TIAM2: variants seen among roughly 807,000 people sequenced by gnomAD.
TIAM2 encodes TIAM Rac1 associated GEF 2, also known as rho guanine nucleotide exchange factor TIAM2.
A neutral mutation model predicts 152.9 loss-of-function variants in TIAM2; 80 were observed. That is an observed-to-expected ratio of 0.52 (90% CI 0.44 to 0.63). TIAM2 has a LOEUF of 0.63. Ranked by LOEUF, TIAM2 falls within the 30% of genes least tolerant of loss-of-function variation. The pLI is 0.00. For missense variants in TIAM2, 1,965 were observed against 2,120.1 expected (o/e 0.93, Z 1.44); for synonymous variants, 804 against 838.0 (o/e 0.96, Z 0.70).
chr6:155,206,643 T>C (rs772800289), intron 14 of TIAM2, among the ~76,000 whole-genome samples: 10 of 152,060 alleles, frequency 6.6e-5, no homozygotes, highest in Non-Finnish European at 1.3e-4. Context: ...CCATGGGAAT[T>C]AAGGGTAAAT....
At chr6:155,142,004 G>A (rs1389728852) in intron 5 of TIAM2, among the ~76,000 whole-genome samples, 77 of 152,240 alleles carry the variant, frequency 5.1e-4, no homozygotes, top group Admixed American at 4.8e-3. Flanking sequence ...CAAGACCAGC[G>A]CTTGGTAGGG....
chr6:155,046,840 C>A lies in TIAM2; in HGVS notation c.-208-43449C>A, dbSNP rs1381156467. ...TGGCAGCTGCCCCTCCCAGACTTGC[C>A]ACTGCCTCTTGGGTTTTGATTTGCT... is the stretch of plus-strand genomic sequence containing the variant. On this transcript the variant is annotated intron_variant, in intron 1 of 26. Transcript: ENST00000682666. Among the ~76,000 whole-genome samples the A allele has an allele frequency of 3.9e-5, 6 of 152,318 alleles. No individual in the cohort carries two copies. In the East Asian group the frequency reaches 5.8e-4, roughly 15 times the overall value.
In TIAM2 at chr6:155,182,253, A is replaced by G. The variant is rs1780919120; in HGVS notation, c.2735A>G (p.Glu912Gly). ...FGFAVTAQVD[E>G]RQHLSRIFIS... ...TTTGCAGTTACAGCGCAGGTGGATG[A>G]GCGTCAGCATCTCAGCCGGATATTT... The change falls in exon 13 of 27, where the codon GAG becomes GGG. Residue 912 changes from glutamate (E) to glycine (G), a missense_variant. Transcript: ENST00000682666. 1.2e-6 allele frequency: 2 copies of G among 1,614,044 alleles called. No individual in the cohort carries two copies. Among genetic ancestry groups the G allele is most frequent in the African/African-American group, 1.3e-5 (1 of 74,904 alleles).
At chr6:155,252,889 A>G in intron 23 of TIAM2, 59 bp from the exon 24 acceptor site, 2 of 1,465,558 alleles carry the variant, frequency 1.4e-6, no homozygotes, top group African/African-American at 1.4e-5. Context: ...CACTGTGCAC[A>G]CATCCTCCCT....
rs757317183 is a variant in TIAM2 at position 155,251,928 on chromosome 6, T to C, written c.4061-17T>C. On this transcript the variant is annotated splice_polypyrimidine_tract_variant and intron_variant, in intron 22 of 26. Transcript: ENST00000682666. ...TTGCATAAAATAAAGACTTTCTTTC[T>C]CTTTTCCTTTCTTTAGTTTTTAAGA... is the stretch of plus-strand genomic sequence containing the variant. 7 of 1,587,238 alleles carry C rather than the reference T, an allele frequency of 4.4e-6. No individual in the cohort carries two copies. Among genetic ancestry groups the C allele is most frequent in the Non-Finnish European group, 6.0e-6 (7 of 1,162,114 alleles).
intron 15 of TIAM2, among the ~76,000 whole-genome samples, chr6:155,216,294 C>T (rs185001658): frequency 3.0e-4 from 46 of 152,304 alleles, no homozygotes; most frequent in African/African-American, 1.1e-3. Context: ...CTGGTCTTCT[C>T]AGGGGTCATT....
rs147637120 is a variant in TIAM2 at position 155,184,371 on chromosome 6, G to T, written c.3064+871G>T. 3.4e-3 allele frequency among the ~76,000 whole-genome samples: 523 copies of T among 152,330 alleles called. 6 individuals carry two copies. The highest frequency in any genetic ancestry group is 0.011 in the African/African-American group (474 of 41,580). On this transcript the variant is annotated intron_variant, in intron 14 of 26. Coordinates refer to ENST00000682666, the MANE Select transcript of TIAM2 (RefSeq NM_012454.4). ...AAATGAAAAACTGTGTGCCAGTTTAGTTTTCTCACGGTAAGACTTCCATAT... is the reference window on the plus strand; with the variant it reads ...AAATGAAAAACTGTGTGCCAGTTTATTTTTCTCACGGTAAGACTTCCATAT...
intron 15 of TIAM2, among the ~76,000 whole-genome samples, chr6:155,222,016 C>T (rs1238162460): frequency 6.6e-5 from 10 of 151,784 alleles, no homozygotes; most frequent in South Asian, 2.1e-4. Context: ...TGCAGTGGCG[C>T]GATCTTGGTT....
At position 155,165,371 on chromosome 6, in the gene TIAM2, G is replaced by T. The variant is rs755941006; in HGVS notation, c.2323G>T (p.Ala775Ser). 1.2e-6 allele frequency: 2 copies of T among 1,613,976 alleles called. No homozygotes were observed. The highest frequency in any genetic ancestry group is 1.7e-6 in the Non-Finnish European group (2 of 1,179,978). ...TTCGTTAAAAGGGCTGGACACACTGGCCAGAAAAGGCAAGGAGAAGAGACC... is the reference window on the plus strand; with the variant it reads ...TTCGTTAAAAGGGCTGGACACACTGTCCAGAAAAGGCAAGGAGAAGAGACC... Reference protein sequence around the residue: ...FSSLKGLDTLARKGKEKRPSI... With the variant: ...FSSLKGLDTLSRKGKEKRPSI... The change falls in exon 9 of 27, where the codon GCC becomes TCC. Residue 775 changes from alanine to serine, a missense_variant. Transcript: ENST00000682666.
intron 15 of TIAM2, chr6:155,232,946 CT>C (rs1428456872): frequency 2.0e-5 from 3 of 152,164 alleles, no homozygotes; most frequent in African/African-American, 7.2e-5. Flanking sequence ...TTACGCAGCA[CT>C]TTTAAACCTT....
At chr6:155,084,337 T>G (rs1774862078) in intron 1 of TIAM2, among the ~76,000 whole-genome samples, 2 of 152,222 alleles carry the variant, frequency 1.3e-5, no homozygotes, top group African/African-American at 4.8e-5. Flanking sequence ...CCATCGTATT[T>G]CCAGCACTTA....
At chr6:155,227,501 C>A (rs1306400972) in intron 15 of TIAM2, among the ~76,000 whole-genome samples, 1 of 152,188 alleles carries the variant, frequency 6.6e-6, no homozygotes, top group African/African-American at 2.4e-5. Context: ...CCCAGCCCTG[C>A]CAGCTTCTAA....
intron 14 of TIAM2, among the ~76,000 whole-genome samples, chr6:155,197,705 C>T (rs1047934373): frequency 2.0e-5 from 3 of 151,892 alleles, no homozygotes; most frequent in Non-Finnish European, 4.4e-5. Flanking sequence ...CTTCACATGG[C>T]GGCGGCAAGC....
At chr6:155,244,912 T>C in intron 18 of TIAM2, 129 bp downstream of exon 18, 1 of 1,176,964 alleles carries the variant, frequency 8.5e-7, no homozygotes, top group Non-Finnish European at 1.1e-6. Context: ...CCTGTGACTA[T>C]TTCCTTGCAC....
intron 4 of TIAM2, among the ~76,000 whole-genome samples, chr6:155,133,157 C>A (rs1779484710): frequency 6.6e-6 from 1 of 152,176 alleles, no homozygotes; most frequent in Non-Finnish European, 1.5e-5. Context: ...GAGTTTGAGA[C>A]CAACCTGGCC....
intron 6 of TIAM2, among the ~76,000 whole-genome samples, 174 bp downstream of exon 6, chr6:155,144,952 G>A (rs532389199): frequency 6.6e-6 from 1 of 152,324 alleles, no homozygotes; most frequent in South Asian, 2.1e-4. Flanking sequence ...TGGGCCATCA[G>A]CAATCCAGTC....
rs1296044397 is a variant in TIAM2 at position 155,156,732 on chromosome 6, T to A, written c.2029-7683T>A. On this transcript the variant is annotated intron_variant, in intron 7 of 26. Transcript: ENST00000682666. The surrounding 1 kb of genome is among the most constrained non-coding windows in gnomAD (Gnocchi z 4.4). ...TGTGATTGCCAGATAAAGTCCCTGATAACCTCTCCCCACCTTGACCTTTAT... is the reference window on the plus strand; with the variant it reads ...TGTGATTGCCAGATAAAGTCCCTGAAAACCTCTCCCCACCTTGACCTTTAT... 6.6e-6 allele frequency among the ~76,000 whole-genome samples: 1 copy of A among 152,168 alleles called. No individual in the cohort carries two copies. Among genetic ancestry groups the A allele is most frequent in the Non-Finnish European group, 1.5e-5 (1 of 68,020 alleles).
chr6:155,040,736 C>T (rs1777010850), intron 1 of TIAM2, among the ~76,000 whole-genome samples: 1 of 152,144 alleles, frequency 6.6e-6, no homozygotes, highest in South Asian at 2.1e-4. Context: ...CCAGGCTGGT[C>T]TCAAACTCCT....
chr6:155,086,280 C>T (rs1444624320), intron 1 of TIAM2, among the ~76,000 whole-genome samples: 2 of 152,232 alleles, frequency 1.3e-5, no homozygotes, highest in Non-Finnish European at 2.9e-5. Flanking sequence ...CTCTTTCCCG[C>T]TGTCTACATG....
Sources: allele counts gnomAD v4.1 joint callset (sites outside exome capture counted in the v4.1 genomes callset), GRCh38; gene constraint gnomAD v4.1.1; non-coding constraint Gnocchi (gnomAD v3.1); transcripts MANE v1.5; gene names NCBI Gene and HGNC (gene_info 2026-07-23, HGNC 2026-07-21).